XKR4: variants seen among roughly 807,000 people sequenced by gnomAD.
XKR4 encodes XK related 4.
A neutral mutation model predicts 53.9 loss-of-function variants in XKR4; 12 were observed. That is an observed-to-expected ratio of 0.22 (90% CI 0.14 to 0.36). XKR4 has a LOEUF of 0.36. Among genes scored for constraint, XKR4 ranks in the 10% least tolerant of loss-of-function variants. The pLI, the probability that XKR4 is intolerant of heterozygous loss-of-function variation, is 1.00. For synonymous variants in XKR4, 354 were observed against 362.4 expected, an observed-to-expected ratio of 0.98 and a Z score of 0.26; for missense variants, 799 against 859.5, an observed-to-expected ratio of 0.93 and a Z score of 0.88.
chr8:55,263,936 G>A (rs1210645663), intron 1 of XKR4, among the ~76,000 whole-genome samples: 1 of 152,202 alleles, frequency 6.6e-6, no homozygotes, highest in African/African-American at 2.4e-5. Context: ...GTCATTGCAG[G>A]TGTATTGAAG....
intron 1 of XKR4, among the ~76,000 whole-genome samples, chr8:55,154,820 T>G (rs1330595022): frequency 2.0e-5 from 3 of 152,200 alleles, no homozygotes; most frequent in Non-Finnish European, 4.4e-5. Flanking sequence ...TTAATTAAAA[T>G]CAGCTTGTTT....
intron 1 of XKR4, among the ~76,000 whole-genome samples, chr8:55,279,411 C>T (rs146261552): frequency 2.0e-5 from 3 of 152,302 alleles, no homozygotes; most frequent in Admixed American, 6.5e-5. Context: ...GCTCCACTCT[C>T]GGCTTGGCAG....
chr8:55,311,358 C>T (rs547921211), intron 1 of XKR4, among the ~76,000 whole-genome samples: 189 of 152,222 alleles, frequency 1.2e-3, no homozygotes, highest in Non-Finnish European at 2.3e-3. Context: ...CAGAGGGCCC[C>T]CAGGAGCAAA....
chr8:55,450,495 C>A, intron 2 of XKR4: 1 of 631,826 alleles, frequency 1.6e-6, no homozygotes, highest in South Asian at 1.6e-5. Context: ...TACAGCAGCC[C>A]CAGCTCAATG....
At chr8:55,512,059 C>T (rs2129404721) in intron 2 of XKR4, among the ~76,000 whole-genome samples, 1 of 152,300 alleles carries the variant, frequency 6.6e-6, no homozygotes, top group Non-Finnish European at 1.5e-5. Flanking sequence ...CACATGGTGT[C>T]ACTGATTCTC....
chr8:55,117,736 CTA>C (rs1446774594), intron 1 of XKR4, among the ~76,000 whole-genome samples: 2 of 152,180 alleles, frequency 1.3e-5, no homozygotes, highest in Non-Finnish European at 2.9e-5. Flanking sequence ...GCTTTTCCCA[CTA>C]TATCTTACTA....
At chr8:55,459,794 A>G (rs190668995) in intron 2 of XKR4, among the ~76,000 whole-genome samples, 1 of 152,326 alleles carries the variant, frequency 6.6e-6, no homozygotes, top group African/African-American at 2.4e-5. Context: ...GAATGTGAAG[A>G]AACTAGAACT....
At position 55,536,825 on chromosome 8, in the gene XKR4, A is replaced by T. The variant is rs766599533; in HGVS notation, c.*12598A>T. ...CACCCTCCTTCACTTGGCCCCTGCC[A>T]GGCAAGAAACTTTCTATTCAGTCTT... On this transcript the variant is annotated 3_prime_UTR_variant, in exon 3 of 3. Transcript: ENST00000327381. 2 of 152,248 alleles carry T rather than the reference A, an allele frequency of 1.3e-5. No homozygotes were observed. Among genetic ancestry groups the T allele is most frequent in the East Asian group, 3.8e-4 (2 of 5,198 alleles). The allele number at this position is 152,248 out of a possible 1,614,324, so 9.4% of individuals were successfully genotyped here. A position where few individuals can be genotyped will look rare whatever the true frequency, so the allele number is the denominator to read the frequency against.
intron 1 of XKR4, among the ~76,000 whole-genome samples, chr8:55,160,137 T>A (rs1323528854): frequency 6.6e-6 from 1 of 152,200 alleles, no homozygotes; most frequent in Non-Finnish European, 1.5e-5. Flanking sequence ...GGTGTAGTCA[T>A]GAGTGGGAGT....
chr8:55,420,608 G>A (rs1480066445), intron 2 of XKR4, among the ~76,000 whole-genome samples: 1 of 142,418 alleles, frequency 7.0e-6, no homozygotes, highest in Non-Finnish European at 1.5e-5. Context: ...ACACAGGAAG[G>A]GGAACATCGC....
At chr8:55,512,656 T>C (rs545707112) in intron 2 of XKR4, among the ~76,000 whole-genome samples, 53 of 152,318 alleles carry the variant, frequency 3.5e-4, no homozygotes, top group African/African-American at 1.2e-3. Context: ...AGGTGTTCAA[T>C]AAACATTTAT....
chr8:55,201,094 C>G (rs1395946658), intron 1 of XKR4, among the ~76,000 whole-genome samples: 2 of 151,758 alleles, frequency 1.3e-5, no homozygotes, highest in Non-Finnish European at 2.9e-5. Context: ...TGTATTGGCT[C>G]CAGCACAGAT....
At chr8:55,353,212 C>T (rs1272544334) in intron 1 of XKR4, among the ~76,000 whole-genome samples, 15 of 152,128 alleles carry the variant, frequency 9.9e-5, no homozygotes, top group African/African-American at 3.6e-4. Context: ...GAAGTCCTAA[C>T]CTCATACCTG....
chr8:55,357,789 T>A lies in XKR4; in HGVS notation c.918T>A (p.His306Gln). Reference protein sequence around the residue: ...VYEYADVSMLHLLATFLESAP... With the variant: ...VYEYADVSMLQLLATFLESAP... The stretch of plus-strand genomic sequence containing the variant: ...AGTATGCGGATGTGAGTATGCTGCA[T>A]TTGCTAGCCACCTTTCTGGAAAGTG... Residue 306 changes from histidine to glutamine, a missense_variant, in exon 2 of 3, where the codon CAT (histidine) becomes CAA (glutamine). His to Gln is a conservative substitution (Grantham distance 24, BLOSUM62 0). Coordinates refer to ENST00000327381, the MANE Select transcript of XKR4 (RefSeq NM_052898.2). 6.2e-7 allele frequency: 1 copy of A among 1,614,204 alleles called. No homozygotes were observed. Among genetic ancestry groups the A allele is most frequent in the East Asian group, 2.2e-5 (1 of 44,886 alleles).
chr8:55,231,788 C>A (rs563420830), intron 1 of XKR4, among the ~76,000 whole-genome samples: 1 of 152,254 alleles, frequency 6.6e-6, no homozygotes, highest in African/African-American at 2.4e-5. Context: ...TGGGCAATCC[C>A]TCCTGCAGAG....
At chr8:55,301,856 T>C (rs1032203661) in intron 1 of XKR4, among the ~76,000 whole-genome samples, 1 of 152,242 alleles carries the variant, frequency 6.6e-6, no homozygotes, top group African/African-American at 2.4e-5. Context: ...TGTTTTTTTC[T>C]TGTAAATTGT....
chr8:55,249,484 G>T (rs748167964), intron 1 of XKR4, among the ~76,000 whole-genome samples: 2 of 152,194 alleles, frequency 1.3e-5, no homozygotes, highest in African/African-American at 2.4e-5. Flanking sequence ...CACCCAATGG[G>T]TTGACTCCCT....
intron 1 of XKR4, among the ~76,000 whole-genome samples, chr8:55,302,930 T>C (rs1819225560): frequency 6.6e-6 from 1 of 152,258 alleles, no homozygotes; most frequent in Admixed American, 6.5e-5. Flanking sequence ...TATACAATCA[T>C]GCCATCTGCA....
chr8:55,451,618 C>A (rs576956366), intron 2 of XKR4: 312 of 1,511,466 alleles, frequency 2.1e-4, no homozygotes, highest in Non-Finnish European at 2.6e-4. Context: ...GCGGTTCTGG[C>A]GGTAGCAGTA....
Sources: gnomAD v4.1 joint callset for allele counts (sites outside exome capture counted in the v4.1 genomes callset) on GRCh38, gnomAD v4.1.1 for gene constraint, MANE v1.5 for transcripts, NCBI Gene and HGNC (gene_info 2026-07-23, HGNC 2026-07-21) for gene names.